GRIK2: variants seen among roughly 807,000 people sequenced by gnomAD.
The protein encoded by GRIK2 is glutamate receptor ionotropic, kainate 2.
A neutral mutation model predicts 100.3 loss-of-function variants in GRIK2; 32 were observed. That is an observed-to-expected ratio of 0.32 (90% CI 0.24 to 0.43). GRIK2 has a LOEUF of 0.43. Among genes scored for constraint, GRIK2 ranks in the 20% least tolerant of loss-of-function variants. The probability of loss-of-function intolerance (pLI) is 1.00; values close to 1 mark genes in which losing one functional copy is unlikely to be tolerated. For synonymous variants in GRIK2, 417 were observed against 389.4 expected (o/e 1.07, Z -0.83); for missense variants, 843 against 1,114.9 (o/e 0.76, Z 3.47).
chr6:102,011,577 C>CTTTTTTTTTTTTTTTTTTTTTTT (rs763369559), intron 14 of GRIK2, among the ~76,000 whole-genome samples: 3 of 76,650 alleles, frequency 3.9e-5, no homozygotes, highest in African/African-American at 6.1e-5. Context: ...CTTTCTTTTC[C>CTTTTTTTTTTTTTTTTTTTTTTT]TTTTTTTTTT....
At chr6:101,841,830 G>T (rs943864997) in intron 10 of GRIK2, among the ~76,000 whole-genome samples, 3 of 147,586 alleles carry the variant, frequency 2.0e-5, no homozygotes, top group African/African-American at 7.8e-5. Flanking sequence ...CCAATAATTA[G>T]CAGAAGAGCA....
intron 2 of GRIK2, among the ~76,000 whole-genome samples, chr6:101,509,365 A>G (rs1247670369): frequency 6.6e-6 from 1 of 152,146 alleles, no homozygotes; most frequent in Non-Finnish European, 1.5e-5. Context: ...CTGAGCGATT[A>G]ATTTCCTAGT....
intron 2 of GRIK2, among the ~76,000 whole-genome samples, chr6:101,554,381 T>C (rs1187391745): frequency 6.6e-6 from 1 of 152,190 alleles, no homozygotes; most frequent in African/African-American, 2.4e-5. Context: ...TTTTGTTCTT[T>C]GCAACACACC....
intron 2 of GRIK2, among the ~76,000 whole-genome samples, chr6:101,494,565 T>A (rs2128269276): frequency 6.6e-6 from 1 of 152,176 alleles, no homozygotes; most frequent in Non-Finnish European, 1.5e-5. Flanking sequence ...TGTAGACGAC[T>A]TGGAATATAT....
chr6:101,774,043 T>C (rs1778579466), intron 7 of GRIK2, among the ~76,000 whole-genome samples: 1 of 152,166 alleles, frequency 6.6e-6, no homozygotes, highest in Non-Finnish European at 1.5e-5. Flanking sequence ...TCTCTAACTT[T>C]TTAAGTCTTT....
At chr6:102,039,735 G>T (rs1230217848) in intron 15 of GRIK2, among the ~76,000 whole-genome samples, 1 of 151,518 alleles carries the variant, frequency 6.6e-6, no homozygotes, top group Non-Finnish European at 1.5e-5. Flanking sequence ...TCCGTGAGCT[G>T]GTAGGAAAGC....
At chr6:101,850,161 G>A (rs187813086) in intron 10 of GRIK2, among the ~76,000 whole-genome samples, 1 of 152,058 alleles carries the variant, frequency 6.6e-6, no homozygotes, top group Admixed American at 6.6e-5. Flanking sequence ...AACTAATGAA[G>A]CAAAGTAGAC....
chr6:101,446,114 C>T (rs1475184907), intron 2 of GRIK2, among the ~76,000 whole-genome samples: 2 of 151,928 alleles, frequency 1.3e-5, no homozygotes, highest in African/African-American at 2.4e-5. Context: ...TCCTGTTGGC[C>T]TTGGTAACCA....
chr6:101,641,449 G>A (rs1781273841), intron 4 of GRIK2, among the ~76,000 whole-genome samples: 1 of 151,890 alleles, frequency 6.6e-6, no homozygotes, highest in Non-Finnish European at 1.5e-5. Flanking sequence ...ATGACAAGCT[G>A]TAATTCCTTT....
At chr6:101,632,213 C>T (rs1780780361) in intron 4 of GRIK2, among the ~76,000 whole-genome samples, 1 of 152,026 alleles carries the variant, frequency 6.6e-6, no homozygotes, top group Admixed American at 6.6e-5. Context: ...CCAAACACAT[C>T]CCAAAGGACC....
chr6:101,504,411 G>T (rs1487542148), intron 2 of GRIK2, among the ~76,000 whole-genome samples: 1 of 151,822 alleles, frequency 6.6e-6, no homozygotes, highest in East Asian at 1.9e-4. Flanking sequence ...TCATAATTTA[G>T]ATTTTAACAC....
chr6:101,556,806 T>C (rs1482913601), intron 2 of GRIK2, among the ~76,000 whole-genome samples: 4 of 152,162 alleles, frequency 2.6e-5, no homozygotes, highest in African/African-American at 9.7e-5. Context: ...AACAGGTCGG[T>C]TTAATGCCAA....
At chr6:101,685,340 T>C (rs1771598935) in intron 6 of GRIK2, among the ~76,000 whole-genome samples, 1 of 152,178 alleles carries the variant, frequency 6.6e-6, no homozygotes, top group Admixed American at 6.5e-5. Flanking sequence ...ATCTAGCCTG[T>C]GTAGCTGTAT....
rs555656461 is a variant in GRIK2 at position 101,997,399 on chromosome 6, T to C, written c.2086-37942T>C. On this transcript the variant is annotated intron_variant, in intron 14 of 16. Coordinates refer to ENST00000369134, the MANE Select transcript of GRIK2 (RefSeq NM_021956.5). ...TATATCCTCAAAGAATATATGCTGG[T>C]ACTTTTAATATGCATCTTTGGTATT... Among the ~76,000 whole-genome samples the C allele has an allele frequency of 3.3e-4, 51 of 152,250 alleles. 1 individual carries two copies. The highest frequency in any genetic ancestry group is 1.2e-3 in the African/African-American group (48 of 41,570).
intron 2 of GRIK2, among the ~76,000 whole-genome samples, chr6:101,502,888 A>G (rs1213448515): frequency 6.6e-6 from 1 of 152,158 alleles, no homozygotes; most frequent in Non-Finnish European, 1.5e-5. Context: ...TAGAGTATAA[A>G]TAAATTCTAT....
chr6:102,031,076 T>TACACACACACAC (rs55900001), intron 14 of GRIK2, among the ~76,000 whole-genome samples: 181 of 118,394 alleles, frequency 1.5e-3, no homozygotes, highest in Middle Eastern at 4.9e-3. Context: ...TATTATGCAT[T>TACACACACACAC]ACACACACAC....
rs149726753 is a variant in GRIK2, at chr6:101,978,361, G to A, written c.2085+49729G>A. ...TGCACATCTCTGCCATGGATGATCTGGAACTTTAAAAATGGCATTTGTTAT... is the reference window on the plus strand; with the variant it reads ...TGCACATCTCTGCCATGGATGATCTAGAACTTTAAAAATGGCATTTGTTAT... On this transcript the variant is annotated intron_variant, in intron 14 of 16. Coordinates refer to ENST00000369134, the MANE Select transcript of GRIK2 (RefSeq NM_021956.5). 6.2e-4 allele frequency among the ~76,000 whole-genome samples: 94 copies of A among 152,042 alleles called. 1 individual carries two copies. The highest frequency in any genetic ancestry group is 2.1e-3 in the African/African-American group (89 of 41,506).
intron 14 of GRIK2, among the ~76,000 whole-genome samples, chr6:101,979,829 T>A (rs1307652558): frequency 1.3e-5 from 2 of 152,014 alleles, no homozygotes; most frequent in Admixed American, 6.6e-5. Context: ...ATTGAGTTGC[T>A]GCTCAGCATC....
At chr6:101,997,168 C>A (rs970913427) in intron 14 of GRIK2, among the ~76,000 whole-genome samples, 1 of 151,848 alleles carries the variant, frequency 6.6e-6, no homozygotes, top group Non-Finnish European at 1.5e-5. Context: ...GCTTTTGTTT[C>A]TTTTATTTAT....
Sources: allele counts gnomAD v4.1 joint callset (sites outside exome capture counted in the v4.1 genomes callset), GRCh38; gene constraint gnomAD v4.1.1; transcripts MANE v1.5; gene names NCBI Gene and HGNC (gene_info 2026-07-23, HGNC 2026-07-21).